The following CROT variants were observed in gnomAD, a reference collection of about 807,000 sequenced individuals.
CROT encodes the protein peroxisomal carnitine O-octanoyltransferase.
In CROT, 84 loss-of-function variants were observed where a neutral mutation model predicts 89.2. That is an observed-to-expected ratio of 0.94 (90% CI 0.79 to 1.13). The LOEUF (loss-of-function observed/expected upper bound fraction) is 1.13, where lower values mean the gene tolerates loss of function less well. Ranked by LOEUF, CROT falls within the 50% of genes most tolerant of loss-of-function variation. The pLI is 0.00. For synonymous variants in CROT, 212 were observed against 239.5 expected (o/e 0.89, Z 1.06); for missense variants, 711 against 727.8 (o/e 0.98, Z 0.27).
At chr7:87,396,312 A>G (rs1272792940) in intron 17 of CROT, among the ~76,000 whole-genome samples, 2 of 152,332 alleles carry the variant, frequency 1.3e-5, no homozygotes, top group South Asian at 2.1e-4. Context: ...CACCAGAGGA[A>G]TTAACAGAAG....
At chr7:87,383,727 G>T (rs1228607881) in intron 13 of CROT, among the ~76,000 whole-genome samples, 1 of 152,034 alleles carries the variant, frequency 6.6e-6, no homozygotes, top group African/African-American at 2.4e-5. Context: ...TAACTCCTGA[G>T]CTCAGGTGAT....
intron 2 of CROT, among the ~76,000 whole-genome samples, chr7:87,348,247 A>C (rs1004553274): frequency 1.3e-5 from 2 of 151,898 alleles, no homozygotes; most frequent in African/African-American, 4.8e-5. Flanking sequence ...AAAGGCTTTG[A>C]GAAACCTCAT....
intron 7 of CROT, among the ~76,000 whole-genome samples, chr7:87,370,101 A>G (rs1449645547): frequency 6.6e-6 from 1 of 152,102 alleles, no homozygotes. Flanking sequence ...TCCTTTCACT[A>G]TAGATATTTC....
intron 17 of CROT, among the ~76,000 whole-genome samples, chr7:87,394,305 C>A (rs1010652065): frequency 2.0e-5 from 3 of 152,078 alleles, no homozygotes; most frequent in African/African-American, 7.2e-5. Context: ...TAGCAGATCA[C>A]AAAAAGTGAT....
chr7:87,375,462 C>A, intron 7 of CROT, 170 bp from the exon 8 acceptor site: 1 of 555,648 alleles, frequency 1.8e-6, no homozygotes, highest in Non-Finnish European at 3.2e-6. Flanking sequence ...TAATAGAACA[C>A]AATCACTTAA....
At chr7:87,380,579 T>G (rs1314221967) in intron 10 of CROT, among the ~76,000 whole-genome samples, 3 of 152,236 alleles carry the variant, frequency 2.0e-5, no homozygotes, top group Admixed American at 1.3e-4. Flanking sequence ...TGTAAATACA[T>G]ATTGCCTCTG....
At chr7:87,374,543 G>T (rs1806743724) in intron 7 of CROT, among the ~76,000 whole-genome samples, 1 of 151,986 alleles carries the variant, frequency 6.6e-6, no homozygotes, top group African/African-American at 2.4e-5. Context: ...AACTGCAAAA[G>T]CTTTACTTAT....
At chr7:87,360,054 A>T (rs1247514030) in intron 4 of CROT, 4 of 979,674 alleles carry the variant, frequency 4.1e-6, no homozygotes, top group East Asian at 1.1e-4. Flanking sequence ...ACACTTCCGG[A>T]TTCCTTTGTT....
chr7:87,392,796 T>A lies in CROT; in HGVS notation c.1571T>A (p.Leu524His). The change falls in exon 16 of 18, where the codon CTC becomes CAC. Residue 524 changes from leucine (L) to histidine (H), a missense_variant. By Grantham distance (99) the Leu-to-His change is moderately conservative. Transcript: ENST00000331536. ...AKEEGLPVPE[L>H]FTDPLFSKSG... ...GAGGAAGGTCTTCCTGTTCCAGAAC[T>A]CTTTACGGACCCACTTTTTTCCAAA... The A allele has an allele frequency of 9.3e-6, 15 of 1,613,750 alleles. No individual in the cohort carries two copies. The highest frequency in any genetic ancestry group is 1.3e-5 in the Non-Finnish European group (15 of 1,179,772).
intron 17 of CROT, among the ~76,000 whole-genome samples, chr7:87,395,013 T>TTGTTAGTAAGGAAGAGAAGTG (rs1244243563): frequency 7.9e-5 from 12 of 151,980 alleles, no homozygotes; most frequent in Admixed American, 3.9e-4. Context: ...CAAAGGACAT[T>TTGTTAGTAAGGAAGAGAAGTG]TGTTAGTAAG....
At chr7:87,387,587 A>G (rs1807222284) in intron 13 of CROT, among the ~76,000 whole-genome samples, 1 of 152,130 alleles carries the variant, frequency 6.6e-6, no homozygotes, top group African/African-American at 2.4e-5. Flanking sequence ...ATTAACACAC[A>G]TTTTGTATAT....
intron 3 of CROT, chr7:87,357,489 C>T (rs1806118919): frequency 6.4e-7 from 1 of 1,551,448 alleles, no homozygotes; most frequent in African/African-American, 1.4e-5. Context: ...GGGATCTCAT[C>T]CTAATGTCCC....
At chr7:87,380,125 G>T (rs566766405) in intron 10 of CROT, among the ~76,000 whole-genome samples, 25 of 151,734 alleles carry the variant, frequency 1.6e-4, no homozygotes, top group East Asian at 5.8e-4. Flanking sequence ...ATAATAATAA[G>T]AAGAAAAATA....
chr7:87,355,196 C>T (rs1437465942), intron 3 of CROT, among the ~76,000 whole-genome samples: 1 of 151,724 alleles, frequency 6.6e-6, no homozygotes. Flanking sequence ...ACAGCCCAGG[C>T]TCAAGTGATC....
chr7:87,361,808 T>C lies in CROT; in HGVS notation c.503T>C (p.Val168Ala). The C allele has an allele frequency of 6.2e-7, 1 of 1,609,052 alleles. No homozygotes were observed. The highest frequency in any genetic ancestry group is 1.1e-5 in the South Asian group (1 of 89,714). ...CGAATGCTATTTTCTACCTGCAAGGTTCCAGGAATTACTAGAGACTCCATT... is the reference window on the plus strand; with the variant it reads ...CGAATGCTATTTTCTACCTGCAAGGCTCCAGGAATTACTAGAGACTCCATT... ...QFRMLFSTCK[V>A]PGITRDSIMN... Residue 168 changes from valine (V) to alanine (A), a missense_variant, in exon 6 of 18, where the codon GTT (valine) becomes GCT (alanine). Transcript: ENST00000331536.
chr7:87,363,279 T>G (rs538341504), intron 6 of CROT, among the ~76,000 whole-genome samples: 2 of 152,278 alleles, frequency 1.3e-5, no homozygotes, highest in East Asian at 3.9e-4. Context: ...CATGTAGAGA[T>G]AGGGATAAAG....
At chr7:87,379,878 C>T (rs559082193) in intron 10 of CROT, among the ~76,000 whole-genome samples, 6 of 152,188 alleles carry the variant, frequency 3.9e-5, no homozygotes, top group Middle Eastern at 3.4e-3. Context: ...CTTTGGGAGA[C>T]GAAGGTGGGA....
chr7:87,392,179 T>C (rs1272035852), intron 14 of CROT, among the ~76,000 whole-genome samples: 1 of 152,208 alleles, frequency 6.6e-6, no homozygotes, highest in Admixed American at 6.6e-5. Flanking sequence ...TATTTTAGTA[T>C]TATATTTGTT....
intron 7 of CROT, among the ~76,000 whole-genome samples, chr7:87,369,922 TA>T (rs1480582504): frequency 1.3e-5 from 2 of 151,170 alleles, no homozygotes; most frequent in East Asian, 3.9e-4. Flanking sequence ...TCAAAATGTA[TA>T]GGGGATTATA....
Sources: allele counts gnomAD v4.1 joint callset (sites outside exome capture counted in the v4.1 genomes callset), GRCh38; gene constraint gnomAD v4.1.1; transcripts MANE v1.5; gene names NCBI Gene and HGNC (gene_info 2026-07-23, HGNC 2026-07-21).